Variants in FRMD6 observed in about 807,000 individuals in gnomAD.
FRMD6 encodes FERM domain containing 6.
A neutral mutation model predicts 73.2 loss-of-function variants in FRMD6; 37 were observed. The ratio of observed to expected loss-of-function variants is 0.51; its 90% CI spans 0.39 to 0.66. FRMD6 has a LOEUF of 0.66. FRMD6 is among the 30% of genes least tolerant of loss of function. The pLI is 0.00. For synonymous variants in FRMD6, 273 were observed against 282.2 expected, an observed-to-expected ratio of 0.97 and a Z score of 0.33; for missense variants, 714 against 780.5, an observed-to-expected ratio of 0.91 and a Z score of 1.02.
At chr14:51,465,109 AAGGGAC>A in the FRMD6 span, among the ~76,000 whole-genome samples, 3 of 152,244 alleles carry the variant, frequency 2.0e-5, no homozygotes, top group Admixed American at 6.5e-5. Flanking sequence ...CAGATAATGC[AAGGGAC>A]AGGTGGAAAA....
intron 2 of FRMD6, among the ~76,000 whole-genome samples, chr14:51,582,569 T>TA (rs1210245859): frequency 2.6e-5 from 4 of 152,194 alleles, no homozygotes; most frequent in Non-Finnish European, 5.9e-5. Context: ...AGTATGCACT[T>TA]ATCTGGATCA....
intron 10 of FRMD6, among the ~76,000 whole-genome samples, chr14:51,715,770 T>C (rs1248579508): frequency 6.6e-6 from 1 of 152,204 alleles, no homozygotes; most frequent in Admixed American, 6.5e-5. Context: ...CATGCCTGAC[T>C]TGAAAATACT....
intron 2 of FRMD6, among the ~76,000 whole-genome samples, chr14:51,628,541 A>G (rs1452436612): frequency 1.3e-5 from 2 of 152,034 alleles, no homozygotes; most frequent in African/African-American, 4.8e-5. Flanking sequence ...GTGATGGCTC[A>G]CGTCTATAAT....
intron 2 of FRMD6, among the ~76,000 whole-genome samples, chr14:51,577,849 G>T (rs1888489754): frequency 6.6e-6 from 1 of 152,100 alleles, no homozygotes; most frequent in African/African-American, 2.4e-5. Context: ...GTGCAGTTTT[G>T]TTACATAGGT....
At chr14:51,446,107 C>T in the FRMD6 span, among the ~76,000 whole-genome samples, 1 of 152,146 alleles carries the variant, frequency 6.6e-6, no homozygotes, top group Non-Finnish European at 1.5e-5. Flanking sequence ...TCTACACTGT[C>T]TTGCAGAAAT....
chr14:51,647,124 T>G (rs922041772), upstream of FRMD6, among the ~76,000 whole-genome samples: 2 of 152,226 alleles, frequency 1.3e-5, no homozygotes, highest in African/African-American at 2.4e-5. Context: ...AAATGAAACT[T>G]TGACCCTGGA....
chr14:51,436,888 G>T, the FRMD6 span: 1 of 908,160 alleles, frequency 1.1e-6, no homozygotes, highest in Non-Finnish European at 1.6e-6. Context: ...ATGAAGAAGG[G>T]GATGAGGATG....
intron 2 of FRMD6, among the ~76,000 whole-genome samples, chr14:51,582,393 ATT>A (rs1888775556): frequency 1.3e-5 from 2 of 152,206 alleles, no homozygotes; most frequent in Admixed American, 1.3e-4. Flanking sequence ...CAAGAAAATA[ATT>A]GTGGACTCAG....
intron 1 of FRMD6, among the ~76,000 whole-genome samples, chr14:51,676,886 A>G (rs1453626971): frequency 6.6e-6 from 1 of 152,148 alleles, no homozygotes; most frequent in East Asian, 1.9e-4. Flanking sequence ...TCACACATAT[A>G]TATGTATCCC....
the FRMD6 span, among the ~76,000 whole-genome samples, chr14:51,445,599 G>A: frequency 6.6e-6 from 1 of 152,094 alleles, no homozygotes; most frequent in African/African-American, 2.4e-5. Context: ...AGGATTAGGA[G>A]ACATGCTTAA....
the FRMD6 span, among the ~76,000 whole-genome samples, chr14:51,471,062 C>G: frequency 6.6e-6 from 1 of 152,076 alleles, no homozygotes; most frequent in African/African-American, 2.4e-5. Flanking sequence ...TCTGGTTTTT[C>G]TATGAATTGC....
intron 10 of FRMD6, among the ~76,000 whole-genome samples, chr14:51,718,206 C>T (rs916235581): frequency 2.0e-5 from 3 of 152,134 alleles, no homozygotes; most frequent in African/African-American, 7.2e-5. Context: ...TGGTACAGCA[C>T]TAGGGAGGGA....
At chr14:51,429,214 C>T in the FRMD6 span, among the ~76,000 whole-genome samples, 2 of 152,198 alleles carry the variant, frequency 1.3e-5, no homozygotes, top group African/African-American at 4.8e-5. Context: ...TCCCAATTGA[C>T]ACCACAAGGA....
rs533160244 is a variant in FRMD6, at chr14:51,698,424, A to T, written c.190+192A>T. Among the ~76,000 whole-genome samples the T allele has an allele frequency of 4.6e-5, 7 of 152,204 alleles. No individual in the cohort carries two copies. The South Asian group carries it at 1.5e-3, about 32-fold the overall frequency. ...TCAATTTCTATGTATTTTTTACAAT[A>T]TTTAGGATTTTAGGCATTTATTTAT... On this transcript the variant is annotated intron_variant, in intron 3 of 13. Coordinates refer to ENST00000344768, the MANE Select transcript of FRMD6 (RefSeq NM_001267046.2).
At chr14:51,709,299 C>T (rs545292563) in intron 7 of FRMD6, among the ~76,000 whole-genome samples, 1 of 152,240 alleles carries the variant, frequency 6.6e-6, no homozygotes, top group Non-Finnish European at 1.5e-5. Flanking sequence ...CAGCAACATA[C>T]CTGCTTTTTA....
At chr14:51,526,035 A>C (rs1885238399) in intron 1 of FRMD6, among the ~76,000 whole-genome samples, 1 of 152,194 alleles carries the variant, frequency 6.6e-6, no homozygotes, top group Non-Finnish European at 1.5e-5. Context: ...ACTGGAGAAC[A>C]ATACCAGTGA....
intron 2 of FRMD6, among the ~76,000 whole-genome samples, chr14:51,640,478 G>C (rs961040655): frequency 6.6e-6 from 1 of 152,164 alleles, no homozygotes. Context: ...AAATGGTACT[G>C]ATACATTGCC....
intron 2 of FRMD6, among the ~76,000 whole-genome samples, chr14:51,697,580 T>G (rs1201554002): frequency 1.3e-5 from 2 of 152,082 alleles, no homozygotes; most frequent in Non-Finnish European, 2.9e-5. Context: ...TACAACGTGG[T>G]GACTGTAGTT....
At chr14:51,490,353 G>GT (rs2140163309) in intron 1 of FRMD6, among the ~76,000 whole-genome samples, 1 of 152,328 alleles carries the variant, frequency 6.6e-6, no homozygotes, top group Admixed American at 6.5e-5. Flanking sequence ...GTTTGCCATT[G>GT]TGAGTGTGTG....
Sources: allele counts gnomAD v4.1 joint callset (sites outside exome capture counted in the v4.1 genomes callset), GRCh38; gene constraint gnomAD v4.1.1; transcripts MANE v1.5; gene names NCBI Gene and HGNC (gene_info 2026-07-23, HGNC 2026-07-21).